The following RTN1 variants were observed in gnomAD, a reference collection of about 807,000 sequenced individuals.
The protein encoded by RTN1 is reticulon-1.
In RTN1, 25 loss-of-function variants were observed where a neutral mutation model predicts 65.5. The ratio of observed to expected loss-of-function variants is 0.38; its 90% confidence interval spans 0.28 to 0.53. The LOEUF (loss-of-function observed/expected upper bound fraction) is 0.53. Ranked by LOEUF, RTN1 falls within the 20% of genes least tolerant of loss-of-function variation. The pLI, the probability that RTN1 is intolerant of heterozygous loss-of-function variation, is 0.79. For missense variants in RTN1, 983 were observed against 1,025.4 expected, an observed-to-expected ratio of 0.96 and a Z score of 0.57; for synonymous variants, 471 against 447.6, an observed-to-expected ratio of 1.05 and a Z score of -0.66.
intron 3 of RTN1, among the ~76,000 whole-genome samples, chr14:59,711,469 T>C (rs1884417097): frequency 6.6e-6 from 1 of 152,230 alleles, no homozygotes; most frequent in Non-Finnish European, 1.5e-5. Flanking sequence ...CTATTATTCT[T>C]TAACTTCTCT....
chr14:59,625,288 T>C (rs1348396929), intron 3 of RTN1, among the ~76,000 whole-genome samples: 1 of 152,170 alleles, frequency 6.6e-6, no homozygotes, highest in African/African-American at 2.4e-5. Flanking sequence ...AAGATGTAAA[T>C]TTAGATCAGT....
intron 3 of RTN1, among the ~76,000 whole-genome samples, chr14:59,713,001 A>G (rs1465326599): frequency 6.6e-6 from 1 of 152,200 alleles, no homozygotes; most frequent in Non-Finnish European, 1.5e-5. Context: ...ATATTTAAAT[A>G]GCAACAACAT....
Position 59,676,661 on chromosome 14 carries a change from C to G in RTN1, c.1765+50258G>C, listed in dbSNP as rs1594672514. Among the ~76,000 whole-genome samples, 3 of 65,864 alleles carry G rather than the reference C, an allele frequency of 4.6e-5. No homozygotes were observed. The Middle Eastern group carries it at 0.019, about 412-fold the overall frequency. 43.2% of individuals were successfully genotyped at this position (65,864 alleles called of 152,430 possible). ...AGAAGCAAAGAGTAGCTCTGCTAAC[C>G]TAACTATCTTCTTTAAAATAATTCA... On this transcript the variant is annotated intron_variant, in intron 3 of 8. Transcript: ENST00000267484.
chr14:59,809,356 T>C (rs532235430), intron 1 of RTN1, among the ~76,000 whole-genome samples: 3 of 152,122 alleles, frequency 2.0e-5, no homozygotes, highest in East Asian at 1.9e-4. Context: ...ATTATGATTC[T>C]TATTTCTTTA....
In RTN1 at chr14:59,794,004, C is replaced by T. The variant is rs1276641095; in HGVS notation, c.242-47523G>A. ...AACATTGTCTGGATGCCTCCTAGCA[C>T]CCATTACACTCCTCTCCCACTGAGT... On this transcript the variant is annotated intron_variant, in intron 1 of 8. Coordinates refer to ENST00000267484, the MANE Select transcript of RTN1 (RefSeq NM_021136.3). The surrounding 1 kb of genome is among the most constrained non-coding windows in gnomAD (Gnocchi z 5.1). Among the ~76,000 whole-genome samples the T allele has an allele frequency of 2.0e-5, 3 of 152,092 alleles. No individual in the cohort carries two copies. Among genetic ancestry groups the T allele is most frequent in the Non-Finnish European group, 4.4e-5 (3 of 68,030 alleles).
intron 1 of RTN1, among the ~76,000 whole-genome samples, chr14:59,757,744 T>G (rs989306537): frequency 6.6e-6 from 1 of 152,154 alleles, no homozygotes; most frequent in African/African-American, 2.4e-5. Flanking sequence ...AGTGCCTTGA[T>G]CTTGGACTTT....
At chr14:59,630,500 C>T (rs781300863) in intron 3 of RTN1, 2 of 1,613,852 alleles carry the variant, frequency 1.2e-6, no homozygotes, top group Non-Finnish European at 1.7e-6. Context: ...TCGGCAGTGG[C>T]CTGCATCGTG....
intron 1 of RTN1, among the ~76,000 whole-genome samples, chr14:59,855,923 G>C (rs1455425353): frequency 1.3e-5 from 2 of 152,162 alleles, no homozygotes; most frequent in Admixed American, 6.5e-5. Flanking sequence ...TGTTTGGCTG[G>C]ATACAGTGAT....
intron 3 of RTN1, among the ~76,000 whole-genome samples, chr14:59,658,746 C>T (rs1284620763): frequency 6.6e-6 from 1 of 152,162 alleles, no homozygotes; most frequent in African/African-American, 2.4e-5. Context: ...CATCAAAGAC[C>T]AAAGGTAGAT....
At chr14:59,750,132 A>AAT (rs1270822109) in intron 1 of RTN1, among the ~76,000 whole-genome samples, 1 of 63,336 alleles carries the variant, frequency 1.6e-5, no homozygotes, top group Non-Finnish European at 2.8e-5. Flanking sequence ...TATTATCTAT[A>AAT]ATATATAATA....
intron 3 of RTN1, among the ~76,000 whole-genome samples, chr14:59,642,825 CAT>C (rs1354871802): frequency 2.6e-5 from 4 of 152,060 alleles, no homozygotes; most frequent in Non-Finnish European, 5.9e-5. Context: ...TTGTTGGTCT[CAT>C]GTTTTTGCCT....
chr14:59,721,551 G>A (rs973804969), intron 3 of RTN1, among the ~76,000 whole-genome samples: 3 of 152,136 alleles, frequency 2.0e-5, no homozygotes, highest in Non-Finnish European at 4.4e-5. Flanking sequence ...TCGAGGTGGG[G>A]GTAGATTGAG....
chr14:59,737,631 T>C (rs1885027470), intron 2 of RTN1, among the ~76,000 whole-genome samples: 1 of 152,132 alleles, frequency 6.6e-6, no homozygotes, highest in African/African-American at 2.4e-5. Flanking sequence ...TAAACTACCA[T>C]TGACATTCCT....
intron 3 of RTN1, among the ~76,000 whole-genome samples, chr14:59,726,438 A>G (rs1884761771): frequency 6.6e-6 from 1 of 152,168 alleles, no homozygotes; most frequent in African/African-American, 2.4e-5. Flanking sequence ...GGGTAAGAGA[A>G]AGGATGGAGC....
At position 59,603,884 on chromosome 14, in the gene RTN1, G is replaced by A; in HGVS notation, c.2150C>T (p.Ala717Val). 1.2e-6 allele frequency: 2 copies of A among 1,612,162 alleles called. No individual in the cohort carries two copies. Among genetic ancestry groups the A allele is most frequent in the East Asian group, 2.2e-5 (1 of 44,824 alleles). Residue 717 changes from alanine (A) to valine (V), a missense_variant, in exon 6 of 9, where the codon GCT (alanine) becomes GTT (valine). Ala to Val is a moderately conservative substitution (Grantham distance 64, BLOSUM62 0). Coordinates refer to ENST00000267484, the MANE Select transcript of RTN1 (RefSeq NM_021136.3). ...CAGCAGGGTCAGGCCATTGAAGAGA[G>A]CGCCAACGTAGGTCAGGAGCCACAT... is the stretch of plus-strand genomic sequence containing the variant. ...VLMWLLTYVGALFNGLTLLLM... is the reference protein window; with the variant it reads ...VLMWLLTYVGVLFNGLTLLLM...
In RTN1 at chr14:59,849,255, T is replaced by C. The variant is rs1887463270; in HGVS notation, c.241+21135A>G. 6.6e-6 allele frequency among the ~76,000 whole-genome samples: 1 copy of C among 152,224 alleles called. No homozygotes were observed. Among genetic ancestry groups the C allele is most frequent in the African/African-American group, 2.4e-5 (1 of 41,458 alleles). On this transcript the variant is annotated intron_variant, in intron 1 of 8. Transcript: ENST00000267484. The surrounding 1 kb of genome is among the most constrained non-coding windows in gnomAD (Gnocchi z 4.5). Reference sequence around the variant, plus strand: ...ATCACAGTACCTGCCTGCCTAGCACTAGGTGCTAAATACATGTCAACTTCT... The same window carrying C: ...ATCACAGTACCTGCCTGCCTAGCACCAGGTGCTAAATACATGTCAACTTCT...
chr14:59,670,939 T>C (rs1290783566), intron 3 of RTN1, among the ~76,000 whole-genome samples: 1 of 152,240 alleles, frequency 6.6e-6, no homozygotes, highest in Non-Finnish European at 1.5e-5. Flanking sequence ...GGTGTACATG[T>C]ACAACATTCC....
chr14:59,630,260 A>G (rs1327433443), intron 3 of RTN1, among the ~76,000 whole-genome samples: 1 of 151,850 alleles, frequency 6.6e-6, no homozygotes, highest in Non-Finnish European at 1.5e-5. Context: ...AAAAAAAAAG[A>G]AAAAAACAAC....
At chr14:59,808,035 C>T (rs2139609021) in intron 1 of RTN1, among the ~76,000 whole-genome samples, 1 of 152,292 alleles carries the variant, frequency 6.6e-6, no homozygotes, top group East Asian at 1.9e-4. Context: ...TATAAATTAT[C>T]TCTCTTCCTC....
Sources: gnomAD v4.1 joint callset for allele counts (sites outside exome capture counted in the v4.1 genomes callset) on GRCh38, gnomAD v4.1.1 for gene constraint, Gnocchi (gnomAD v3.1) non-coding constraint, MANE v1.5 for transcripts, NCBI Gene and HGNC (gene_info 2026-07-23, HGNC 2026-07-21) for gene names.